Variants in CEMIP2 observed in about 807,000 individuals in gnomAD.
CEMIP2 encodes cell surface hyaluronidase CEMIP2.
Under a neutral mutation model 146.9 loss-of-function variants are expected in CEMIP2, and 79 were observed. The ratio of observed to expected loss-of-function variants is 0.54; its 90% CI spans 0.45 to 0.65. CEMIP2 has a LOEUF of 0.65. Among genes scored for constraint, CEMIP2 ranks in the 30% least tolerant of loss-of-function variants. The probability of loss-of-function intolerance (pLI) is 0.00; values close to 1 mark genes in which losing one functional copy is unlikely to be tolerated. For synonymous variants in CEMIP2, 601 were observed against 606.3 expected (o/e 0.99, Z 0.13); for missense variants, 1,596 against 1,696.2 (o/e 0.94, Z 1.04).
intron 14 of CEMIP2, among the ~76,000 whole-genome samples, chr9:71,715,958 T>C (rs934052575): frequency 4.6e-5 from 7 of 152,088 alleles, no homozygotes; most frequent in African/African-American, 7.2e-5. Context: ...TTACAAATTA[T>C]ATATAAACAA....
chr9:71,715,156 G>A, intron 14 of CEMIP2, 67 bp from the exon 15 acceptor site: 1 of 1,551,550 alleles, frequency 6.4e-7, no homozygotes. Context: ...CCAAATGTAG[G>A]CATGCTATAA....
At chr9:71,750,897 C>G (rs1465345487) in intron 1 of CEMIP2, among the ~76,000 whole-genome samples, 1 of 152,030 alleles carries the variant, frequency 6.6e-6, no homozygotes, top group Non-Finnish European at 1.5e-5. Context: ...CAGGTACATC[C>G]CACGATGATT....
At chr9:71,728,230 T>TATATATATA (rs1564012043) in intron 10 of CEMIP2, among the ~76,000 whole-genome samples, 2 of 20,668 alleles carry the variant, frequency 9.7e-5, no homozygotes, top group East Asian at 1.5e-3. Flanking sequence ...TCTCTCTCTC[T>TATATATATA]CTATATATAT....
chr9:71,688,623 G>A (rs1341645032), intron 22 of CEMIP2, among the ~76,000 whole-genome samples: 1 of 151,746 alleles, frequency 6.6e-6, no homozygotes, highest in African/African-American at 2.4e-5. Flanking sequence ...CCTGACCTCA[G>A]GTGATCCTCC....
rs969173684 is a variant in CEMIP2 at position 71,684,021 on chromosome 9, T to A, written c.*1176A>T. 4 of 152,252 alleles carry A rather than the reference T, an allele frequency of 2.6e-5. No individual in the cohort carries two copies. Among genetic ancestry groups the A allele is most frequent in the African/African-American group, 9.6e-5 (4 of 41,464 alleles). 9.4% of individuals were successfully genotyped at this position (152,252 alleles called of 1,614,324 possible). A position where few individuals can be genotyped will look rare whatever the true frequency, so the allele number is the denominator to read the frequency against. ...ATGTGATTCACCAGCAGGAGACGCA[T>A]GCACCCTGTGGAAAGGGAAGCTGGG... On this transcript the variant is annotated 3_prime_UTR_variant, in exon 24 of 24. Transcript: ENST00000377044.
chr9:71,694,471 A>G, intron 21 of CEMIP2, 38 bp downstream of exon 21: 1 of 1,524,748 alleles, frequency 6.6e-7, no homozygotes, highest in Non-Finnish European at 9.1e-7. Context: ...TTGTTATACC[A>G]CCTAGAACAG....
intron 15 of CEMIP2, chr9:71,712,518 G>T: frequency 3.0e-6 from 1 of 330,226 alleles, no homozygotes; most frequent in Non-Finnish European, 5.5e-6. Flanking sequence ...ATTGGGTGGG[G>T]AGAAAGATGC....
chr9:71,689,383 T>C lies in CEMIP2; in HGVS notation c.3851+709A>G, dbSNP rs17057101. 3.9e-3 allele frequency among the ~76,000 whole-genome samples: 591 copies of C among 152,320 alleles called. 1 individual carries two copies. The highest frequency in any genetic ancestry group is 0.013 in the African/African-American group (546 of 41,572). On this transcript the variant is annotated intron_variant, in intron 22 of 23. Transcript: ENST00000377044. The stretch of plus-strand genomic sequence containing the variant: ...GAAAGCGGGTGTATAAATCAACATC[T>C]GCGGCAAAGGCAGAAAACACCCTGA...
intron 1 of CEMIP2, among the ~76,000 whole-genome samples, chr9:71,767,101 A>G (rs1448109568): frequency 2.0e-5 from 3 of 152,238 alleles, no homozygotes; most frequent in African/African-American, 4.8e-5. Flanking sequence ...ACCCAGACCA[A>G]TTCTGAAAAG....
At chr9:71,706,290 A>T (rs981257514) in intron 17 of CEMIP2, among the ~76,000 whole-genome samples, 2 of 152,056 alleles carry the variant, frequency 1.3e-5, no homozygotes, top group African/African-American at 4.8e-5. Context: ...CAAATAGTTA[A>T]ATCATGATCA....
At chr9:71,747,888 A>G (rs1187773027) in intron 2 of CEMIP2, among the ~76,000 whole-genome samples, 1 of 152,228 alleles carries the variant, frequency 6.6e-6, no homozygotes, top group African/African-American at 2.4e-5. Flanking sequence ...TTCTCACAGC[A>G]GTATCATAAC....
intron 22 of CEMIP2, chr9:71,686,377 C>T: frequency 5.8e-6 from 1 of 172,266 alleles, no homozygotes; most frequent in Non-Finnish European, 1.2e-5. Flanking sequence ...CAGATGGGAC[C>T]ATCTAGTTGC....
intron 18 of CEMIP2, chr9:71,704,318 G>T: frequency 2.4e-6 from 1 of 409,502 alleles, no homozygotes; most frequent in Non-Finnish European, 4.5e-6. Flanking sequence ...CAGCTAGAGG[G>T]AATTAAAGCA....
intron 5 of CEMIP2, among the ~76,000 whole-genome samples, chr9:71,738,640 C>T (rs1041406999): frequency 3.3e-5 from 5 of 151,908 alleles, no homozygotes; most frequent in African/African-American, 1.2e-4. Flanking sequence ...GAGTTCAAGA[C>T]CAGCCTGGCC....
chr9:71,702,977 C>A, intron 18 of CEMIP2, among the ~76,000 whole-genome samples: 1 of 152,210 alleles, frequency 6.6e-6, no homozygotes, highest in East Asian at 1.9e-4. Context: ...GAGTACTGAT[C>A]ACCCTTTGAC....
In CEMIP2 at chr9:71,712,165, C is replaced by T; in HGVS notation, c.2687G>A (p.Ser896Asn). The part of the protein sequence containing the change: ...KKYVPTPDRY[S>N]SAIGFLMKNS... Reference sequence around the variant, plus strand: ...CTTCATGAGGAAGCCAATTGCACTGCTGTACCTATCTGGAGTTGGCACATA... The same window carrying T: ...CTTCATGAGGAAGCCAATTGCACTGTTGTACCTATCTGGAGTTGGCACATA... Residue 896 changes from serine (S) to asparagine (N), a missense_variant, in exon 16 of 24, where the codon AGC (serine) becomes AAC (asparagine). Ser to Asn is a conservative substitution (Grantham distance 46, BLOSUM62 1). Coordinates refer to ENST00000377044, the MANE Select transcript of CEMIP2 (RefSeq NM_013390.3). 6.2e-7 allele frequency: 1 copy of T among 1,614,196 alleles called. No individual in the cohort carries two copies. The highest frequency in any genetic ancestry group is 8.5e-7 in the Non-Finnish European group (1 of 1,180,018).
chr9:71,735,491 A>C (rs1315876232), intron 5 of CEMIP2, among the ~76,000 whole-genome samples: 2 of 152,162 alleles, frequency 1.3e-5, no homozygotes, highest in African/African-American at 4.8e-5. Context: ...TAATATTAAG[A>C]ATAAGAATTT....
intron 21 of CEMIP2, 125 bp downstream of exon 21, chr9:71,694,384 A>G (rs1023554188): frequency 4.4e-6 from 3 of 675,904 alleles, no homozygotes; most frequent in Non-Finnish European, 7.8e-6. Flanking sequence ...TGGCCTCCCA[A>G]AGTGCTGGGA....
intron 19 of CEMIP2, among the ~76,000 whole-genome samples, chr9:71,698,589 T>C (rs947359221): frequency 1.7e-5 from 2 of 114,774 alleles, no homozygotes; most frequent in Admixed American, 2.0e-4. Context: ...TTTTTGTTGT[T>C]CTCATTCATA....
Sources: allele counts gnomAD v4.1 joint callset (sites outside exome capture counted in the v4.1 genomes callset), GRCh38; gene constraint gnomAD v4.1.1; transcripts MANE v1.5; gene names NCBI Gene and HGNC (gene_info 2026-07-23, HGNC 2026-07-21).